Variants in TRAP1 observed in about 807,000 individuals in gnomAD.
TRAP1 encodes the protein heat shock protein 75 kDa, mitochondrial.
A neutral mutation model predicts 89.1 loss-of-function variants in TRAP1; 102 were observed. The ratio of observed to expected loss-of-function variants is 1.15; its 90% CI spans 0.98 to 1.35. The LOEUF (loss-of-function observed/expected upper bound fraction) is 1.35, where lower values mean the gene tolerates loss of function less well. Among genes scored for constraint, TRAP1 ranks in the 40% most tolerant of loss-of-function variants. The pLI, the probability that TRAP1 is intolerant of heterozygous loss-of-function variation, is 0.00. For missense variants in TRAP1, 1,256 were observed against 945.3 expected (o/e 1.33, Z -4.31); for synonymous variants, 508 against 388.0 (o/e 1.31, Z -3.64).
chr16:3,659,757 ATAG>A (rs2042958829), intron 16 of TRAP1: 1 of 131,236 alleles, frequency 7.6e-6, no homozygotes, highest in Non-Finnish European at 1.8e-5. Flanking sequence ...TTTTAGATAG[ATAG>A]ATAGATAGAT....
At chr16:3,658,665 C>G (rs554499132) in intron 17 of TRAP1, 128 bp downstream of exon 17, 1 of 905,938 alleles carries the variant, frequency 1.1e-6, no homozygotes, top group Admixed American at 2.4e-5. Flanking sequence ...GAGCAACACT[C>G]CATCTCAAAA....
chr16:3,712,902 C>G (rs569902073), intron 1 of TRAP1, among the ~76,000 whole-genome samples: 3 of 152,178 alleles, frequency 2.0e-5, no homozygotes, highest in African/African-American at 7.2e-5. Flanking sequence ...AGACGAGAGC[C>G]ACCGCGCCCG....
chr16:3,658,622 A>G (rs2042866414), intron 17 of TRAP1, 171 bp downstream of exon 17: 1 of 651,902 alleles, frequency 1.5e-6, no homozygotes. Context: ...GTAGTGAGCC[A>G]AGATCGCGCC....
At chr16:3,669,197 T>G (rs931859096) in intron 11 of TRAP1, among the ~76,000 whole-genome samples, 4 of 152,110 alleles carry the variant, frequency 2.6e-5, no homozygotes, top group African/African-American at 9.7e-5. Flanking sequence ...ACTGAAACAT[T>G]GGGCAGATCA....
At chr16:3,692,168 C>T (rs1435917569) in intron 1 of TRAP1, among the ~76,000 whole-genome samples, 1 of 152,228 alleles carries the variant, frequency 6.6e-6, no homozygotes, top group African/African-American at 2.4e-5. Flanking sequence ...CTGGGAGCCT[C>T]TCCTGTTCTT....
At chr16:3,709,313 C>G (rs1167830998) in intron 1 of TRAP1, among the ~76,000 whole-genome samples, 2 of 151,554 alleles carry the variant, frequency 1.3e-5, no homozygotes, top group African/African-American at 4.9e-5. Flanking sequence ...AATGGCTTTA[C>G]GTCCTAGTAA....
intron 1 of TRAP1, among the ~76,000 whole-genome samples, chr16:3,715,571 A>G (rs1041232892): frequency 6.6e-6 from 1 of 152,210 alleles, no homozygotes; most frequent in Non-Finnish European, 1.5e-5. Flanking sequence ...TGGACGCGAG[A>G]CCACAAACGA....
chr16:3,658,166 A>G lies in TRAP1; in HGVS notation c.2078T>C (p.Leu693Ser), dbSNP rs2042826188. The G allele has an allele frequency of 6.2e-7, 1 of 1,613,914 alleles. No homozygotes were observed. Among genetic ancestry groups the G allele is most frequent in the Non-Finnish European group, 8.5e-7 (1 of 1,179,892 alleles). Residue 693 changes from leucine to serine, a missense_variant, in exon 18 of 18, where the codon TTG (leucine) becomes TCG (serine). Coordinates refer to ENST00000246957, the MANE Select transcript of TRAP1 (RefSeq NM_016292.3). ...CAGGGCCTTGACAAGCAGCTCATTCAAGCGGCCCACCATGGCCCTAGGGTC... is the reference window on the plus strand; with the variant it reads ...CAGGGCCTTGACAAGCAGCTCATTCGAGCGGCCCACCATGGCCCTAGGGTC... ...VDDPRAMVGR[L>S]NELLVKALER... is the part of the protein sequence containing the mutation.
intron 13 of TRAP1, 166 bp downstream of exon 13, chr16:3,664,108 T>G: frequency 1.4e-6 from 1 of 690,396 alleles, no homozygotes; most frequent in Non-Finnish European, 2.2e-6. Flanking sequence ...GACCTCCAAG[T>G]GGGAAACAGC....
intron 9 of TRAP1, among the ~76,000 whole-genome samples, chr16:3,673,286 A>G (rs1187625372): frequency 6.6e-6 from 1 of 152,234 alleles, no homozygotes; most frequent in African/African-American, 2.4e-5. Context: ...TACGCAGCTC[A>G]TGGGACCCGG....
chr16:3,713,072 G>T (rs114352490), intron 1 of TRAP1, among the ~76,000 whole-genome samples: 7 of 152,074 alleles, frequency 4.6e-5, no homozygotes, highest in Non-Finnish European at 1.0e-4. Flanking sequence ...TGTCATGGAC[G>T]CTACACCTCT....
Position 3,664,731 on chromosome 16 carries a change from G to A in TRAP1, c.1384-272C>T, listed in dbSNP as rs907586623. ...GAGCTACGCGCACCACGCCCTGGGA[G>A]GGGACCCCACCCAACAGCAGAGCCC... On this transcript the variant is annotated intron_variant, in intron 12 of 17. Coordinates refer to ENST00000246957, the MANE Select transcript of TRAP1 (RefSeq NM_016292.3). 68 of 417,382 alleles carry A rather than the reference G, an allele frequency of 1.6e-4. 1 individual carries two copies. Among genetic ancestry groups the A allele is most frequent in the Non-Finnish European group, 2.5e-4 (59 of 233,186 alleles). 25.9% of individuals were successfully genotyped at this position (417,382 alleles called of 1,614,324 possible). A position where few individuals can be genotyped will look rare whatever the true frequency, so the allele number is the denominator to read the frequency against.
chr16:3,677,439 C>A (rs1381094334), intron 6 of TRAP1, 59 bp downstream of exon 6: 3 of 1,608,102 alleles, frequency 1.9e-6, no homozygotes, highest in East Asian at 4.5e-5. Flanking sequence ...TTTCCAAACT[C>A]CATGCTAAGG....
chr16:3,661,033 T>C (rs1280890611), intron 16 of TRAP1: 1 of 152,200 alleles, frequency 6.6e-6, no homozygotes, highest in Non-Finnish European at 1.5e-5. Flanking sequence ...TGTAACTTCA[T>C]TTTTTAAAAA....
chr16:3,658,119 CCCCTGGCT>C lies in TRAP1; in HGVS notation c.*2_*9del. On this transcript the variant is annotated 3_prime_UTR_variant, in exon 18 of 18. Transcript: ENST00000246957. ...CATCTGTGGTGTCAGTCCTTCTGGCCCCCTGGCTGTCAGTGTCGCTCCAGGGCCTTGAC... is the reference window on the plus strand; with the variant it reads ...CATCTGTGGTGTCAGTCCTTCTGGCCGTCAGTGTCGCTCCAGGGCCTTGAC... 6.2e-7 allele frequency: 1 copy of C among 1,613,428 alleles called. No individual in the cohort carries two copies. Among genetic ancestry groups the C allele is most frequent in the Non-Finnish European group, 8.5e-7 (1 of 1,179,468 alleles).
At chr16:3,707,173 T>G (rs1251658264) in intron 1 of TRAP1, among the ~76,000 whole-genome samples, 1 of 151,888 alleles carries the variant, frequency 6.6e-6, no homozygotes, top group Non-Finnish European at 1.5e-5. Context: ...AAAAATGATT[T>G]AAGAGGAAAT....
chr16:3,658,105 T>A lies in TRAP1; in HGVS notation c.*24A>T, dbSNP rs1425428465. ...GGAGGTGGGGCTGTCATCTGTGGTG[T>A]CAGTCCTTCTGGCCCCCTGGCTGTC... On this transcript the variant is annotated 3_prime_UTR_variant, in exon 18 of 18. Coordinates refer to ENST00000246957, the MANE Select transcript of TRAP1 (RefSeq NM_016292.3). The A allele has an allele frequency of 2.5e-6, 4 of 1,611,772 alleles. No individual in the cohort carries two copies. In the African/African-American group the frequency reaches 5.3e-5, roughly 22 times the overall value.
intron 1 of TRAP1, among the ~76,000 whole-genome samples, chr16:3,711,335 G>A (rs968982141): frequency 1.3e-5 from 2 of 151,942 alleles, no homozygotes; most frequent in African/African-American, 2.4e-5. Context: ...GAACGGTGGC[G>A]CACACCTGTA....
chr16:3,664,743 C>T, intron 12 of TRAP1: 1 of 398,502 alleles, frequency 2.5e-6, no homozygotes, highest in Non-Finnish European at 4.5e-6. Context: ...GGACCCCACC[C>T]AACAGCAGAG....
Sources: gnomAD v4.1 joint callset for allele counts (sites outside exome capture counted in the v4.1 genomes callset) on GRCh38, gnomAD v4.1.1 for gene constraint, MANE v1.5 for transcripts, NCBI Gene and HGNC (gene_info 2026-07-23, HGNC 2026-07-21) for gene names.